NAV3: variants seen among roughly 807,000 people sequenced by gnomAD.
The protein encoded by NAV3 is neuron navigator 3.
In NAV3, 87 loss-of-function variants were observed where a neutral mutation model predicts 244.7. The ratio of observed to expected loss-of-function variants is 0.36; its 90% CI spans 0.30 to 0.42. NAV3 has a LOEUF of 0.42. Ranked by LOEUF, NAV3 falls within the 20% of genes least tolerant of loss-of-function variation. The pLI, the probability that NAV3 is intolerant of heterozygous loss-of-function variation, is 1.00. For synonymous variants in NAV3, 1,126 were observed against 1,042.2 expected, an observed-to-expected ratio of 1.08 and a Z score of -1.55; for missense variants, 2,663 against 2,893.3, an observed-to-expected ratio of 0.92 and a Z score of 1.83.
intron 1 of NAV3, among the ~76,000 whole-genome samples, chr12:77,842,295 G>A (rs1440440876): frequency 6.6e-6 from 1 of 151,934 alleles, no homozygotes; most frequent in East Asian, 1.9e-4. Flanking sequence ...CCCACCTTAG[G>A]ATCTTTCTAG....
chr12:78,180,824 C>A (rs2139729795), intron 29 of NAV3, 47 bp from the exon 30 acceptor site: 1 of 1,505,756 alleles, frequency 6.6e-7, no homozygotes, highest in South Asian at 1.2e-5. Context: ...GCTATTTTCT[C>A]AATCAAACCA....
chr12:77,886,070 T>C lies in NAV3; in HGVS notation c.244-54249T>C, dbSNP rs150077139. On this transcript the variant is annotated intron_variant, in intron 1 of 39. Transcript: ENST00000397909. ...ATCATCTCTCTCTAAAGGCACCTTG[T>C]TGGTAGTCGATAGTCTCAATCCAGG... Among the ~76,000 whole-genome samples the C allele has an allele frequency of 2.1e-3, 325 of 152,262 alleles. 4 individuals are homozygous for C. Among genetic ancestry groups the C allele is most frequent in the African/African-American group, 7.3e-3 (304 of 41,562 alleles).
chr12:77,990,670 A>G (rs1871295060), intron 5 of NAV3, among the ~76,000 whole-genome samples: 1 of 152,200 alleles, frequency 6.6e-6, no homozygotes, highest in Non-Finnish European at 1.5e-5. Flanking sequence ...GCTTAGTTTC[A>G]TTTAACATCC....
At chr12:77,747,899 G>A (rs960384746) in intron 2 of NAV3, among the ~76,000 whole-genome samples, 1 of 152,116 alleles carries the variant, frequency 6.6e-6, no homozygotes, top group Non-Finnish European at 1.5e-5. Context: ...TGGGGGATGG[G>A]GGAGGGATAG....
intron 2 of NAV3, among the ~76,000 whole-genome samples, chr12:77,626,185 G>C (rs925779477): frequency 6.6e-6 from 1 of 151,668 alleles, no homozygotes; most frequent in Non-Finnish European, 1.5e-5. Context: ...GGAAGGATGA[G>C]ATTAAGTAGA....
chr12:78,172,297 C>T (rs960482139), intron 24 of NAV3, among the ~76,000 whole-genome samples: 2 of 151,668 alleles, frequency 1.3e-5, no homozygotes, highest in Non-Finnish European at 3.0e-5. Context: ...GATAGGCAAA[C>T]ATAGTTATAT....
chr12:78,021,733 A>T lies in NAV3; in HGVS notation c.1908-14A>T. The T allele has an allele frequency of 6.3e-7, 1 of 1,575,140 alleles. No homozygotes were observed. The highest frequency in any genetic ancestry group is 8.7e-7 in the Non-Finnish European group (1 of 1,146,782). On this transcript the variant is annotated splice_polypyrimidine_tract_variant and intron_variant, in intron 8 of 39. Coordinates refer to ENST00000397909, the MANE Select transcript of NAV3 (RefSeq NM_001024383.2). ...ATAACTGCTATTTCTTTCTATTTTCATGGTTAATTTCAGGGCACATTCAGA... is the reference window on the plus strand; with the variant it reads ...ATAACTGCTATTTCTTTCTATTTTCTTGGTTAATTTCAGGGCACATTCAGA...
chr12:78,174,484 A>G (rs1296121595), intron 24 of NAV3, among the ~76,000 whole-genome samples: 5 of 151,912 alleles, frequency 3.3e-5, no homozygotes, highest in African/African-American at 9.7e-5. Context: ...GACCATGTGA[A>G]AGTTACATTT....
intron 30 of NAV3, among the ~76,000 whole-genome samples, chr12:78,182,377 T>C (rs1426421007): frequency 6.6e-6 from 1 of 151,988 alleles, no homozygotes. Flanking sequence ...TAATGACCAG[T>C]GCATTTCTGG....
chr12:77,639,952 G>A (rs535756866), intron 2 of NAV3, among the ~76,000 whole-genome samples: 1 of 152,242 alleles, frequency 6.6e-6, no homozygotes, highest in South Asian at 2.1e-4. Context: ...ACTAGTTTTA[G>A]AGAAGAGTTT....
chr12:77,896,102 T>C (rs577022939), intron 1 of NAV3, among the ~76,000 whole-genome samples: 1 of 152,182 alleles, frequency 6.6e-6, no homozygotes, highest in South Asian at 2.1e-4. Flanking sequence ...TTTAATCACA[T>C]CTAATACCAC....
intron 2 of NAV3, among the ~76,000 whole-genome samples, chr12:77,671,358 A>G (rs1444957087): frequency 6.6e-6 from 1 of 152,144 alleles, no homozygotes; most frequent in Non-Finnish European, 1.5e-5. Context: ...TACAAATTCA[A>G]TGCAATTCCC....
At chr12:77,984,058 G>A (rs1337818813) in intron 5 of NAV3, among the ~76,000 whole-genome samples, 1 of 152,204 alleles carries the variant, frequency 6.6e-6, no homozygotes. Flanking sequence ...CCCTGTGTGT[G>A]TTGTTTTGGG....
intron 5 of NAV3, among the ~76,000 whole-genome samples, chr12:77,990,725 T>TAA (rs1471250490): frequency 6.6e-6 from 1 of 152,220 alleles, no homozygotes; most frequent in East Asian, 1.9e-4. Flanking sequence ...TAACAGTTGT[T>TAA]TATTTGAGTC....
At chr12:77,995,285 T>C (rs934925823) in intron 6 of NAV3, among the ~76,000 whole-genome samples, 9 of 152,148 alleles carry the variant, frequency 5.9e-5, no homozygotes, top group African/African-American at 2.2e-4. Flanking sequence ...CAGATTTTAG[T>C]GGGGAAGTTA....
intron 2 of NAV3, among the ~76,000 whole-genome samples, chr12:77,741,341 G>A (rs1432202676): frequency 6.6e-6 from 1 of 152,002 alleles, no homozygotes; most frequent in Non-Finnish European, 1.5e-5. Context: ...AAATATGATA[G>A]TCTGAGGATT....
chr12:77,955,648 T>C (rs1286695470), intron 3 of NAV3, among the ~76,000 whole-genome samples: 1 of 152,054 alleles, frequency 6.6e-6, no homozygotes, highest in Non-Finnish European at 1.5e-5. Context: ...GCATGGTAGA[T>C]CACTTGAGGT....
chr12:77,775,509 A>C (rs1288889664), intron 2 of NAV3, among the ~76,000 whole-genome samples: 3 of 151,984 alleles, frequency 2.0e-5, no homozygotes, highest in Non-Finnish European at 4.4e-5. Context: ...TACAATATAT[A>C]TTCTGTCTTC....
intron 2 of NAV3, among the ~76,000 whole-genome samples, chr12:77,810,332 G>C (rs150722271): frequency 1.3e-5 from 2 of 151,728 alleles, no homozygotes; most frequent in African/African-American, 4.8e-5. Flanking sequence ...CCACCACGCC[G>C]GGCTAATTTT....
Sources: allele counts gnomAD v4.1 joint callset (sites outside exome capture counted in the v4.1 genomes callset), GRCh38; gene constraint gnomAD v4.1.1; transcripts MANE v1.5; gene names NCBI Gene and HGNC (gene_info 2026-07-23, HGNC 2026-07-21).